STPG2: variants seen among roughly 807,000 people sequenced by gnomAD.
STPG2 encodes the protein sperm tail PG-rich repeat containing 2, also known as sperm-tail PG-rich repeat-containing protein 2.
A neutral mutation model predicts 54.2 loss-of-function variants in STPG2; 56 were observed. That is an observed-to-expected ratio of 1.03 (90% CI 0.83 to 1.29). The LOEUF (loss-of-function observed/expected upper bound fraction) is 1.29, where lower values mean the gene tolerates loss of function less well. Among genes scored for constraint, STPG2 ranks in the 50% most tolerant of loss-of-function variants. The pLI, the probability that STPG2 is intolerant of heterozygous loss-of-function variation, is 0.00. For missense variants in STPG2, 596 were observed against 544.9 expected (o/e 1.09, Z -0.93); for synonymous variants, 200 against 181.8 (o/e 1.10, Z -0.81).
chr4:98,129,359 C>G (rs995310703), intron 2 of STPG2, among the ~76,000 whole-genome samples: 17 of 152,060 alleles, frequency 1.1e-4, no homozygotes, highest in African/African-American at 4.1e-4. Context: ...TTTGTTTCCA[C>G]ATTTCCTGAG....
intron 10 of STPG2, among the ~76,000 whole-genome samples, chr4:97,560,388 T>C (rs770778683): frequency 2.6e-5 from 4 of 152,120 alleles, no homozygotes; most frequent in Non-Finnish European, 5.9e-5. Flanking sequence ...ACTAGAAGTG[T>C]CTAGACAAGG....
Position 97,563,859 on chromosome 4 carries a change from T to C in STPG2, c.1321-4742A>G, listed in dbSNP as rs186285126. 4.1e-3 allele frequency among the ~76,000 whole-genome samples: 631 copies of C among 152,252 alleles called. 3 individuals carry two copies. The highest frequency in any genetic ancestry group is 0.02 in the South Asian group (98 of 4,812). On this transcript the variant is annotated intron_variant, in intron 10 of 10. Coordinates refer to ENST00000295268, the MANE Select transcript of STPG2 (RefSeq NM_174952.3). Reference sequence around the variant, plus strand: ...TTGCTGAGGAGAGCTTTACTTCTAATGATGTGGTCAATTTTGGAATAGGTG... The same window carrying C: ...TTGCTGAGGAGAGCTTTACTTCTAACGATGTGGTCAATTTTGGAATAGGTG...
At chr4:97,792,505 G>T (rs1180321163) in intron 9 of STPG2, among the ~76,000 whole-genome samples, 1 of 152,056 alleles carries the variant, frequency 6.6e-6, no homozygotes, top group East Asian at 1.9e-4. Context: ...TCACTGTTAT[G>T]ACAATAGCCT....
At chr4:97,967,764 G>T (rs1196208698) in intron 7 of STPG2, among the ~76,000 whole-genome samples, 5 of 152,136 alleles carry the variant, frequency 3.3e-5, no homozygotes, top group South Asian at 4.1e-4. Flanking sequence ...TGACTACTGG[G>T]TACATAACAA....
intron 4 of STPG2, among the ~76,000 whole-genome samples, chr4:97,501,697 A>G (rs1302213835): frequency 1.3e-5 from 2 of 149,232 alleles, no homozygotes; most frequent in Non-Finnish European, 1.5e-5. Flanking sequence ...CCCTGTCTCA[A>G]AAAAAAAAAG....
chr4:97,482,835 A>T (rs1372759008), intron 4 of STPG2, among the ~76,000 whole-genome samples: 1 of 151,640 alleles, frequency 6.6e-6, no homozygotes, highest in African/African-American at 2.4e-5. Context: ...ATGAAAGAAA[A>T]CCTATCAGAT....
intron 5 of STPG2, among the ~76,000 whole-genome samples, chr4:98,015,198 T>G (rs1026441932): frequency 6.6e-6 from 1 of 151,942 alleles, no homozygotes; most frequent in African/African-American, 2.4e-5. Flanking sequence ...AAACCCAAAA[T>G]AGACAAATGG....
chr4:97,914,642 T>A (rs575014502), intron 8 of STPG2, among the ~76,000 whole-genome samples: 16 of 152,266 alleles, frequency 1.1e-4, no homozygotes, highest in African/African-American at 3.9e-4. Context: ...ACACTGAGTA[T>A]TCTTTATCCA....
rs555147476 is a variant in STPG2 at position 98,013,673 on chromosome 4, G to A, written c.613-32355C>T. On this transcript the variant is annotated intron_variant, in intron 5 of 10. Coordinates refer to ENST00000295268, the MANE Select transcript of STPG2 (RefSeq NM_174952.3). Reference sequence around the variant, plus strand: ...TTGTTATTGGTCTATTCAGGGATATGATTTCTTCATTGTTTAGTCTTGGGA... The same window carrying A: ...TTGTTATTGGTCTATTCAGGGATATAATTTCTTCATTGTTTAGTCTTGGGA... Among the ~76,000 whole-genome samples the A allele has an allele frequency of 6.6e-5, 9 of 137,044 alleles. No homozygotes were observed. In the South Asian group the frequency reaches 1.7e-3, roughly 26 times the overall value. The allele number at this position is 137,044 out of a possible 152,430, so 89.9% of individuals were successfully genotyped here. A position where few individuals can be genotyped will look rare whatever the true frequency, so the allele number is the denominator to read the frequency against.
chr4:97,460,918 A>C (rs75904906), intron 4 of STPG2, among the ~76,000 whole-genome samples: 2,471 of 152,328 alleles, frequency 0.016, 63 homozygotes, highest in African/African-American at 0.057. Flanking sequence ...TTATGCTTGT[A>C]ATATGGATCC....
chr4:97,696,199 T>C (rs1473823873), intron 10 of STPG2, among the ~76,000 whole-genome samples: 2 of 152,102 alleles, frequency 1.3e-5, no homozygotes, highest in Admixed American at 1.3e-4. Flanking sequence ...TTGAACATAA[T>C]TGAGAACCTA....
intron 5 of STPG2, among the ~76,000 whole-genome samples, chr4:98,082,048 G>T (rs1738359270): frequency 6.6e-6 from 1 of 152,170 alleles, no homozygotes; most frequent in African/African-American, 2.4e-5. Flanking sequence ...TTATGAGAAA[G>T]TTATGAAGAC....
intron 5 of STPG2, among the ~76,000 whole-genome samples, chr4:97,999,580 T>C (rs138724864): frequency 2.2e-4 from 34 of 152,222 alleles, no homozygotes; most frequent in African/African-American, 7.7e-4. Context: ...GGGCTTGTAA[T>C]TCCAGTTACT....
At chr4:97,605,921 C>T (rs943598524) in intron 10 of STPG2, among the ~76,000 whole-genome samples, 8 of 151,844 alleles carry the variant, frequency 5.3e-5, no homozygotes, top group Admixed American at 1.3e-4. Context: ...AAAACTAGTT[C>T]AAAGCCATGG....
chr4:97,969,057 G>A (rs892386129), intron 7 of STPG2, among the ~76,000 whole-genome samples: 2 of 152,140 alleles, frequency 1.3e-5, no homozygotes, highest in African/African-American at 4.8e-5. Context: ...ATAAGATAGG[G>A]CTATAAACAC....
intron 4 of STPG2, among the ~76,000 whole-genome samples, chr4:97,457,667 A>T (rs1729562677): frequency 6.6e-6 from 1 of 152,246 alleles, no homozygotes; most frequent in Admixed American, 6.5e-5. Flanking sequence ...AATGTGCCTA[A>T]GTTTGTCTTT....
At chr4:97,761,004 G>A (rs1380352120) in intron 9 of STPG2, among the ~76,000 whole-genome samples, 1 of 152,038 alleles carries the variant, frequency 6.6e-6, no homozygotes, top group African/African-American at 2.4e-5. Context: ...CATCACTCTG[G>A]CTCTGACTCT....
At chr4:98,122,672 T>C (rs1409983957) in intron 3 of STPG2, among the ~76,000 whole-genome samples, 2 of 152,200 alleles carry the variant, frequency 1.3e-5, no homozygotes, top group African/African-American at 4.8e-5. Flanking sequence ...CAGGTTTTGG[T>C]ATCAGGATGA....
Position 97,956,048 on chromosome 4 carries a change from A to G in STPG2, c.934-12041T>C, listed in dbSNP as rs554998964. Among the ~76,000 whole-genome samples the G allele has an allele frequency of 3.9e-5, 6 of 152,306 alleles. No individual in the cohort carries two copies. In the East Asian group the frequency reaches 1.2e-3, roughly 29 times the overall value. On this transcript the variant is annotated intron_variant, in intron 7 of 10. Transcript: ENST00000295268. ...CAAATGCAAAAAGGAATGAAGCACA[A>G]TAGAGAAATAAATAAAAAAAGTAAT...
Sources: gnomAD v4.1 joint callset for allele counts (sites outside exome capture counted in the v4.1 genomes callset) on GRCh38, gnomAD v4.1.1 for gene constraint, MANE v1.5 for transcripts, NCBI Gene and HGNC (gene_info 2026-07-23, HGNC 2026-07-21) for gene names.